TRAPPC2B: variants seen among roughly 807,000 people sequenced by gnomAD.
The protein encoded by TRAPPC2B is MBP-1 interacting protein-2A.
Under a neutral mutation model 8.4 loss-of-function variants are expected in TRAPPC2B, and 5 were observed. That is an observed-to-expected ratio of 0.59 (90% CI 0.31 to 1.25). The LOEUF (loss-of-function observed/expected upper bound fraction) is 1.25. TRAPPC2B is among the 50% of genes most tolerant of loss of function. The probability of loss-of-function intolerance (pLI) is 0.06; values close to 1 mark genes in which losing one functional copy is unlikely to be tolerated. For missense variants in TRAPPC2B, 161 were observed against 173.2 expected (o/e 0.93, Z 0.40); for synonymous variants, 46 against 58.1 (o/e 0.79, Z 0.95).
chr19:57,363,556 C>T lies in TRAPPC2B; in HGVS notation c.-167C>T, dbSNP rs954656744. 4 of 152,546 alleles carry T rather than the reference C, an allele frequency of 2.6e-5. No homozygotes were observed. The highest frequency in any genetic ancestry group is 6.5e-5 in the Admixed American group (1 of 15,284). 9.4% of individuals were successfully genotyped at this position (152,546 alleles called of 1,614,324 possible). A position where few individuals can be genotyped will look rare whatever the true frequency, so the allele number is the denominator to read the frequency against. On this transcript the variant is annotated 5_prime_UTR_variant, in exon 1 of 2. Transcript: ENST00000543226. ...GAGAAGCGGCTTGGTTCCTTGTACG[C>T]AGAGGCGGTAGTGACACAGGCACAA...
rs755845011 is a variant in TRAPPC2B at position 57,365,272 on chromosome 19, A to C, written c.*16A>C. On this transcript the variant is annotated 3_prime_UTR_variant, in exon 2 of 2. Transcript: ENST00000543226. Reference sequence around the variant, plus strand: ...TTTAAGCTGAATGGAGAAAATTCCAAAATAAATTATATCACCACAATGGTG... The same window carrying C: ...TTTAAGCTGAATGGAGAAAATTCCACAATAAATTATATCACCACAATGGTG... The C allele has an allele frequency of 4.7e-6, 7 of 1,494,276 alleles. No homozygotes were observed. The highest frequency in any genetic ancestry group is 6.4e-6 in the Non-Finnish European group (7 of 1,094,062). 92.6% of individuals were successfully genotyped at this position (1,494,276 alleles called of 1,614,324 possible). A position where few individuals can be genotyped will look rare whatever the true frequency, so the allele number is the denominator to read the frequency against.
intron 1 of TRAPPC2B, 108 bp from the exon 2 acceptor site, chr19:57,364,707 C>A: frequency 1.2e-6 from 1 of 820,320 alleles, no homozygotes; most frequent in Non-Finnish European, 1.9e-6. Flanking sequence ...CGCCATTGCA[C>A]TCCAGCCTGG....
rs1168689303 is a variant in TRAPPC2B, at chr19:57,365,127, C to T, written c.294C>T (p.Phe98=). 2 of 1,607,482 alleles carry T rather than the reference C, an allele frequency of 1.2e-6. No homozygotes were observed. Among genetic ancestry groups the T allele is most frequent in the African/African-American group, 1.3e-5 (1 of 74,854 alleles). ...DIRQEDGIKN[F]FTDVYDLYIK... ...GACAAGAAGATGGAATAAAGAACTT[C>T]TTTACTGATGTTTATGATTTATATA... Residue 98 remains phenylalanine, a synonymous_variant, in exon 2 of 2, where the codon TTC becomes TTT. Transcript: ENST00000543226.
chr19:57,365,065 G>A lies in TRAPPC2B; in HGVS notation c.232G>A (p.Ala78Thr), dbSNP rs773525734. 1.4e-5 allele frequency: 22 copies of A among 1,610,820 alleles called. No individual in the cohort carries two copies. Among genetic ancestry groups the A allele is most frequent in the Admixed American group, 5.0e-5 (3 of 59,888 alleles). The stretch of plus-strand genomic sequence containing the variant: ...GTGGTTTGTGTCAGCATTTGTCACC[G>A]CGGGGCATATGAGGTTTATTATGCT... ...NEWFVSAFVT[A>T]GHMRFIMLHD... Residue 78 changes from alanine (A) to threonine (T), a missense_variant, in exon 2 of 2, where the codon GCG (alanine) becomes ACG (threonine). Coordinates refer to ENST00000543226, the MANE Select transcript of TRAPPC2B (RefSeq NM_001355204.2).
Position 57,365,270 on chromosome 19 carries a change from C to T in TRAPPC2B, c.*14C>T. The T allele has an allele frequency of 6.6e-7, 1 of 1,510,174 alleles. No homozygotes were observed. The highest frequency in any genetic ancestry group is 9.0e-7 in the Non-Finnish European group (1 of 1,108,278). The allele number at this position is 1,510,174 out of a possible 1,614,324, so 93.5% of individuals were successfully genotyped here. On this transcript the variant is annotated 3_prime_UTR_variant, in exon 2 of 2. Transcript: ENST00000543226. ...CTTTTAAGCTGAATGGAGAAAATTC[C>T]AAAATAAATTATATCACCACAATGG...
chr19:57,364,993 T>G lies in TRAPPC2B; in HGVS notation c.160T>G (p.Trp54Gly), dbSNP rs1811863821. 2 of 1,612,948 alleles carry G rather than the reference T, an allele frequency of 1.2e-6. No individual in the cohort carries two copies. The highest frequency in any genetic ancestry group is 1.3e-5 in the African/African-American group (1 of 75,012). ...AALDLVDENM[W>G]LSNNMYLKTV... The stretch of plus-strand genomic sequence containing the variant: ...TCTCGACCTCGTAGATGAGAACATG[T>G]GGCTGTCGAACAACATGTACTTGAA... Residue 54 changes from tryptophan (W) to glycine (G), a missense_variant, in exon 2 of 2, where the codon TGG becomes GGG. By Grantham distance (184) the Trp-to-Gly change is radical. Transcript: ENST00000543226.
At chr19:57,364,794 G>T in intron 1 of TRAPPC2B, 21 bp from the exon 2 acceptor site, 2 of 1,525,254 alleles carry the variant, frequency 1.3e-6, no homozygotes, top group Non-Finnish European at 9.0e-7. Context: ...TTGCGTTTCC[G>T]TTGTCGGCCT....
At position 57,363,605 on chromosome 19, in the gene TRAPPC2B, G is replaced by C. The variant is rs998798207; in HGVS notation, c.-118G>C. 22 of 153,038 alleles carry C rather than the reference G, an allele frequency of 1.4e-4. No homozygotes were observed. The highest frequency in any genetic ancestry group is 5.1e-4 in the African/African-American group (21 of 41,470). The allele number at this position is 153,038 out of a possible 1,614,324, so 9.5% of individuals were successfully genotyped here. On this transcript the variant is annotated 5_prime_UTR_variant, in exon 1 of 2. Transcript: ENST00000543226. ...AACTGACAGTGGCAGAAGCTCAGCT[G>C]ACAAGGACTGGGGACGGCGGTGTCC...
rs777296791 is a variant in TRAPPC2B at position 57,365,014 on chromosome 19, T to C, written c.181T>C (p.Leu61=). Residue 61 remains leucine, a synonymous_variant, in exon 2 of 2, where the codon TTG becomes CTG. Coordinates refer to ENST00000543226, the MANE Select transcript of TRAPPC2B (RefSeq NM_001355204.2). The part of the protein sequence containing the change: ...ENMWLSNNMY[L]KTVDKFNEWF... The stretch of plus-strand genomic sequence containing the variant: ...CATGTGGCTGTCGAACAACATGTAC[T>C]TGAAAACTGTGGACAAGTTCAACGA... The C allele has an allele frequency of 6.8e-6, 11 of 1,612,504 alleles. No individual in the cohort carries two copies. Among genetic ancestry groups the C allele is most frequent in the Non-Finnish European group, 9.3e-6 (11 of 1,178,852 alleles).
chr19:57,364,466 G>GAA, intron 1 of TRAPPC2B: 1 of 242,432 alleles, frequency 4.1e-6, no homozygotes, highest in Non-Finnish European at 8.1e-6. Flanking sequence ...AGGGTGGCCG[G>GAA]GCGTGGTGGC....
chr19:57,365,105 A>T lies in TRAPPC2B; in HGVS notation c.272A>T (p.Gln91Leu), dbSNP rs1308176886. 1.2e-6 allele frequency: 2 copies of T among 1,609,204 alleles called. No homozygotes were observed. The highest frequency in any genetic ancestry group is 2.7e-5 in the African/African-American group (2 of 74,846). Residue 91 changes from glutamine to leucine, a missense_variant, in exon 2 of 2, where the codon CAA becomes CTA. Physicochemically the swap from Gln to Leu is moderately radical, Grantham distance 113 (BLOSUM62 -2). Transcript: ENST00000543226. Reference protein sequence around the residue: ...MRFIMLHDIRQEDGIKNFFTD... With the variant: ...MRFIMLHDIRLEDGIKNFFTD... Reference sequence around the variant, plus strand: ...TTTATTATGCTTCATGACATAAGACAAGAAGATGGAATAAAGAACTTCTTT... The same window carrying T: ...TTTATTATGCTTCATGACATAAGACTAGAAGATGGAATAAAGAACTTCTTT...
At chr19:57,364,705 C>T (rs1472735797) in intron 1 of TRAPPC2B, 110 bp from the exon 2 acceptor site, 1 of 774,512 alleles carries the variant, frequency 1.3e-6, no homozygotes, top group Non-Finnish European at 2.1e-6. Flanking sequence ...CGCGCCATTG[C>T]ACTCCAGCCT....
At chr19:57,363,794 C>G (rs892967012) in intron 1 of TRAPPC2B, 91 bp downstream of exon 1, 3 of 151,350 alleles carry the variant, frequency 2.0e-5, no homozygotes, top group Admixed American at 1.3e-4. Flanking sequence ...AGGTCAGGCC[C>G]CTTGTCTCGA....
In TRAPPC2B at chr19:57,364,937, G is replaced by A. The variant is rs746664391; in HGVS notation, c.104G>A (p.Arg35His). Reference sequence around the variant, plus strand: ...AAGGCAGAATCCAAAGACGACCATCGTCATCTGAACCAGTTCATAGCTCAT... The same window carrying A: ...AAGGCAGAATCCAAAGACGACCATCATCATCTGAACCAGTTCATAGCTCAT... Reference protein sequence around the residue: ...AGKAESKDDHRHLNQFIAHAA... With the variant: ...AGKAESKDDHHHLNQFIAHAA... The change falls in exon 2 of 2, where the codon CGT (arginine) becomes CAT (histidine). Residue 35 changes from arginine to histidine, a missense_variant. Transcript: ENST00000543226. 6.8e-6 allele frequency: 11 copies of A among 1,612,848 alleles called. No individual in the cohort carries two copies. Among genetic ancestry groups the A allele is most frequent in the African/African-American group, 5.3e-5 (4 of 74,900 alleles).
chr19:57,364,466 G>GCATTAAAAA, intron 1 of TRAPPC2B: 6 of 242,398 alleles, frequency 2.5e-5, no homozygotes, highest in Non-Finnish European at 4.1e-5. Context: ...AGGGTGGCCG[G>GCATTAAAAA]GCGTGGTGGC....
Position 57,365,055 on chromosome 19 carries a change from A to T in TRAPPC2B, c.222A>T (p.Ala74=), listed in dbSNP as rs1379828304. Residue 74 remains alanine, a synonymous_variant, in exon 2 of 2, where the codon GCA becomes GCT. Coordinates refer to ENST00000543226, the MANE Select transcript of TRAPPC2B (RefSeq NM_001355204.2). Reference sequence around the variant, plus strand: ...AGTTCAACGAGTGGTTTGTGTCAGCATTTGTCACCGCGGGGCATATGAGGT... The same window carrying T: ...AGTTCAACGAGTGGTTTGTGTCAGCTTTTGTCACCGCGGGGCATATGAGGT... ...VDKFNEWFVS[A]FVTAGHMRFI... is the part of the protein sequence containing the mutation. The T allele has an allele frequency of 5.6e-6, 9 of 1,611,658 alleles. No individual in the cohort carries two copies. The highest frequency in any genetic ancestry group is 5.9e-6 in the Non-Finnish European group (7 of 1,178,118).
chr19:57,363,952 AAG>A (rs2088442691), intron 1 of TRAPPC2B: 1 of 152,396 alleles, frequency 6.6e-6, no homozygotes, highest in Non-Finnish European at 1.5e-5. Context: ...TTCTGCGGGA[AAG>A]AGAGGGTTTT....
Position 57,365,134 on chromosome 19 carries a change from G to C in TRAPPC2B, c.301G>C (p.Asp101His). Residue 101 changes from aspartate (D) to histidine (H), a missense_variant, in exon 2 of 2, where the codon GAT becomes CAT. Coordinates refer to ENST00000543226, the MANE Select transcript of TRAPPC2B (RefSeq NM_001355204.2). ...QEDGIKNFFT[D>H]VYDLYIKFSM... ...AGATGGAATAAAGAACTTCTTTACTGATGTTTATGATTTATATATAAAATT... is the reference window on the plus strand; with the variant it reads ...AGATGGAATAAAGAACTTCTTTACTCATGTTTATGATTTATATATAAAATT... 6.2e-7 allele frequency: 1 copy of C among 1,603,550 alleles called. No homozygotes were observed. Among genetic ancestry groups the C allele is most frequent in the East Asian group, 2.2e-5 (1 of 44,568 alleles).
At chr19:57,364,444 T>TA in intron 1 of TRAPPC2B, 1 of 204,478 alleles carries the variant, frequency 4.9e-6, no homozygotes. Context: ...TGTAGATTCT[T>TA]CAAAAGAATA....
Sources: allele counts gnomAD v4.1 joint callset, GRCh38; gene constraint gnomAD v4.1.1; transcripts MANE v1.5; gene names NCBI Gene and HGNC (gene_info 2026-07-23, HGNC 2026-07-21).